SLC4A8: variants seen among roughly 807,000 people sequenced by gnomAD.
SLC4A8 encodes electroneutral sodium bicarbonate exchanger 1.
A neutral mutation model predicts 125.0 loss-of-function variants in SLC4A8; 40 were observed. That is an observed-to-expected ratio of 0.32 (90% CI 0.25 to 0.42). The LOEUF (loss-of-function observed/expected upper bound fraction) is 0.42. Among genes scored for constraint, SLC4A8 ranks in the 10% least tolerant of loss-of-function variants. The pLI is 1.00. For synonymous variants in SLC4A8, 456 were observed against 476.0 expected (o/e 0.96, Z 0.55); for missense variants, 863 against 1,355.1 (o/e 0.64, Z 5.70).
intron 16 of SLC4A8, among the ~76,000 whole-genome samples, chr12:51,485,548 C>T (rs1951140244): frequency 6.6e-6 from 1 of 152,156 alleles, no homozygotes; most frequent in Admixed American, 6.5e-5. Context: ...CAGAACTCTT[C>T]AGAGGATGGT....
chr12:51,459,255 A>G (rs1489870516), intron 7 of SLC4A8, among the ~76,000 whole-genome samples: 2 of 152,166 alleles, frequency 1.3e-5, no homozygotes, highest in East Asian at 1.9e-4. Flanking sequence ...AAAACCTGAA[A>G]CCCCCGACAA....
intron 12 of SLC4A8, 83 bp from the exon 13 acceptor site, chr12:51,470,309 G>C: frequency 7.4e-7 from 1 of 1,356,054 alleles, no homozygotes; most frequent in Non-Finnish European, 1.0e-6. Context: ...GCACACAGGA[G>C]AGCAAAGTCA....
Position 51,512,732 on chromosome 12 carries a change from G to C in SLC4A8, c.*5294G>C, listed in dbSNP as rs1183406636. On this transcript the variant is annotated 3_prime_UTR_variant, in exon 25 of 25. Transcript: ENST00000453097. Reference sequence around the variant, plus strand: ...CCATAAGATTTCATTGTTACTACTAGTCTTTGTGTACCTATCTGGAGGGAC... The same window carrying C: ...CCATAAGATTTCATTGTTACTACTACTCTTTGTGTACCTATCTGGAGGGAC... 1 of 152,080 alleles carries C rather than the reference G, an allele frequency of 6.6e-6. No individual in the cohort carries two copies. The highest frequency in any genetic ancestry group is 1.5e-5 in the Non-Finnish European group (1 of 68,046). 9.4% of individuals were successfully genotyped at this position (152,080 alleles called of 1,614,324 possible).
At chr12:51,403,288 A>C (rs1360422682) in intron 1 of SLC4A8, 2 of 454,692 alleles carry the variant, frequency 4.4e-6, no homozygotes, top group Non-Finnish European at 8.9e-6. Context: ...TGGAGCCAAC[A>C]TGTGAGTTTC....
In SLC4A8 at chr12:51,436,397, A is replaced by G. The variant is rs139270780; in HGVS notation, c.49-4311A>G. ...CTTAGAATAATTTCTCTTGGAATTT[A>G]TACCATCAATTTGACCTTTGTTTTC... On this transcript the variant is annotated intron_variant, in intron 1 of 24. Coordinates refer to ENST00000453097, the MANE Select transcript of SLC4A8 (RefSeq NM_001039960.3). 3.6e-3 allele frequency among the ~76,000 whole-genome samples: 555 copies of G among 152,306 alleles called. 3 individuals are homozygous for G. Among genetic ancestry groups the G allele is most frequent in the Non-Finnish European group, 5.3e-3 (362 of 68,020 alleles).
At chr12:51,415,684 T>G (rs865966909) in intron 1 of SLC4A8, among the ~76,000 whole-genome samples, 1 of 151,772 alleles carries the variant, frequency 6.6e-6, no homozygotes, top group South Asian at 2.1e-4. Flanking sequence ...ATATCTTCAT[T>G]GTAATGTAAA....
chr12:51,395,064 A>G (rs1460708101), intron 1 of SLC4A8, among the ~76,000 whole-genome samples: 1 of 152,192 alleles, frequency 6.6e-6, no homozygotes, highest in Non-Finnish European at 1.5e-5. Context: ...GGGTTTCTGT[A>G]AATGAAAAAG....
intron 22 of SLC4A8, among the ~76,000 whole-genome samples, chr12:51,500,763 T>G (rs1937828816): frequency 6.6e-6 from 1 of 151,922 alleles, no homozygotes; most frequent in African/African-American, 2.4e-5. Context: ...CTCGGCTCAC[T>G]GCAAGCTCCG....
At chr12:51,493,551 C>G (rs1279524239) in intron 19 of SLC4A8, among the ~76,000 whole-genome samples, 153 bp from the exon 20 acceptor site, 1 of 152,212 alleles carries the variant, frequency 6.6e-6, no homozygotes, top group African/African-American at 2.4e-5. Flanking sequence ...GCTTCTACTC[C>G]TAAGTCACCC....
In SLC4A8 at chr12:51,450,991, G is replaced by T; in HGVS notation, c.246G>T (p.Gln82His). 1.1e-5 allele frequency: 17 copies of T among 1,557,348 alleles called. No individual in the cohort carries two copies. Among genetic ancestry groups the T allele is most frequent in the East Asian group, 2.3e-5 (1 of 42,718 alleles). Residue 82 changes from glutamine to histidine, a missense_variant, in exon 3 of 25, where the codon CAG (glutamine) becomes CAT (histidine). Physicochemically the swap from Gln to His is conservative, Grantham distance 24 (BLOSUM62 0). Coordinates refer to ENST00000453097, the MANE Select transcript of SLC4A8 (RefSeq NM_001039960.3). ...GAGGGCGGGGCAAAGGAGCCAGCCA[G>T]GGGGAGGAAGGCCTGGAAGCCCTGG... ...RRRGRGKGAS[Q>H]GEEGLEALAH...
chr12:51,489,972 T>A (rs780434162), intron 19 of SLC4A8, 21 bp downstream of exon 19: 1 of 1,611,348 alleles, frequency 6.2e-7, no homozygotes, highest in South Asian at 1.1e-5. Flanking sequence ...TTTCAGTCAT[T>A]CAGCAAATAT....
chr12:51,460,137 C>T (rs560871079), intron 8 of SLC4A8, 29 bp downstream of exon 8: 2 of 1,590,838 alleles, frequency 1.3e-6, no homozygotes, highest in Non-Finnish European at 1.7e-6. Flanking sequence ...CTCATGCATT[C>T]TATCCAAAAT....
intron 15 of SLC4A8, 99 bp from the exon 16 acceptor site, chr12:51,474,946 C>T: frequency 8.7e-7 from 1 of 1,155,226 alleles, no homozygotes. Context: ...CCTCTGCTCC[C>T]AACAACCATG....
intron 1 of SLC4A8, among the ~76,000 whole-genome samples, chr12:51,416,215 T>TTTG (rs1948684419): frequency 6.9e-6 from 1 of 144,346 alleles, no homozygotes; most frequent in African/African-American, 2.6e-5. Flanking sequence ...TCTTTTGTTT[T>TTTG]TTTTTTTTTT....
intron 16 of SLC4A8, chr12:51,479,940 T>C (rs1366257628): frequency 2.4e-6 from 1 of 409,120 alleles, no homozygotes. Flanking sequence ...GAGGGCTGTT[T>C]CTACAAGGCC....
At chr12:51,391,889 G>C (rs1034868283) in intron 1 of SLC4A8, 1 of 152,348 alleles carries the variant, frequency 6.6e-6, no homozygotes, top group African/African-American at 2.4e-5. Context: ...AGATTGGAGG[G>C]TCCTAGTCAC....
chr12:51,480,645 A>AT (rs1316612691), intron 16 of SLC4A8: 1 of 984,944 alleles, frequency 1.0e-6, no homozygotes, highest in Non-Finnish European at 1.2e-6. Flanking sequence ...ATTGATCTAA[A>AT]TGCCCGTGTA....
intron 1 of SLC4A8, among the ~76,000 whole-genome samples, chr12:51,440,381 A>G (rs914377288): frequency 6.6e-6 from 1 of 151,236 alleles, no homozygotes; most frequent in South Asian, 2.1e-4. Flanking sequence ...TATCACTGCA[A>G]TATAGCCTGG....
chr12:51,414,043 C>T (rs1948640927), intron 1 of SLC4A8, among the ~76,000 whole-genome samples: 1 of 152,028 alleles, frequency 6.6e-6, no homozygotes, highest in Non-Finnish European at 1.5e-5. Context: ...TTAATTCTTC[C>T]CATCCATGAG....
Sources: allele counts gnomAD v4.1 joint callset (sites outside exome capture counted in the v4.1 genomes callset), GRCh38; gene constraint gnomAD v4.1.1; transcripts MANE v1.5; gene names NCBI Gene and HGNC (gene_info 2026-07-23, HGNC 2026-07-21).